Variants in BSG observed in about 807,000 individuals in gnomAD.
BSG encodes basigin.
Under a neutral mutation model 43.1 loss-of-function variants are expected in BSG, and 37 were observed. The ratio of observed to expected loss-of-function variants is 0.86; its 90% CI spans 0.66 to 1.13. The LOEUF is 1.13. Among genes scored for constraint, BSG ranks in the 50% most tolerant of loss-of-function variants. BSG has a pLI of 0.00. For missense variants in BSG, 599 were observed against 554.2 expected (o/e 1.08, Z -0.81); for synonymous variants, 309 against 238.7 (o/e 1.29, Z -2.72).
In BSG at chr19:579,745, C is replaced by T. The variant is rs1014868445; in HGVS notation, c.572+89C>T. On this transcript the variant is annotated intron_variant, in intron 3 of 8. Coordinates refer to ENST00000333511, the MANE Select transcript of BSG (RefSeq NM_001728.4). ...CCTGTGGTCCGTGAGAACAAAAGAC[C>T]GGTCGGCAGGCTTGATCCAGGCGGA... 2.3e-5 allele frequency: 34 copies of T among 1,504,390 alleles called. No individual in the cohort carries two copies. In the Middle Eastern group the frequency reaches 9.9e-4, roughly 44 times the overall value. The allele number at this position is 1,504,390 out of a possible 1,614,324, so 93.2% of individuals were successfully genotyped here. A position where few individuals can be genotyped will look rare whatever the true frequency, so the allele number is the denominator to read the frequency against.
At position 573,138 on chromosome 19, in the gene BSG, AGGAGAAG is replaced by A. The variant is rs1188033042; in HGVS notation, c.67+443_67+449del. On this transcript the variant is annotated intron_variant, in intron 1 of 8. Coordinates refer to ENST00000333511, the MANE Select transcript of BSG (RefSeq NM_001728.4). The stretch of plus-strand genomic sequence containing the variant: ...GGCCCGCCCGCCGGTCCCATCGGCC[AGGAGAAG>A]GGAGACCCAAAGCCTGGGTGAGCGT... 2.0e-5 allele frequency among the ~76,000 whole-genome samples: 3 copies of A among 152,156 alleles called. No individual in the cohort carries two copies. In the East Asian group the frequency reaches 5.8e-4, roughly 29 times the overall value.
chr19:575,897 C>T (rs1423391409), intron 1 of BSG, among the ~76,000 whole-genome samples: 1 of 152,124 alleles, frequency 6.6e-6, no homozygotes, highest in African/African-American at 2.4e-5. Context: ...TGGGGGCGCT[C>T]TGCATTGTCC....
At chr19:575,221 A>G (rs1363394169) in intron 1 of BSG, 1 of 152,402 alleles carries the variant, frequency 6.6e-6, no homozygotes. Flanking sequence ...GAGAAACCCC[A>G]CTTTTGCTGG....
intron 1 of BSG, among the ~76,000 whole-genome samples, chr19:574,074 G>C (rs1367728464): frequency 6.6e-6 from 1 of 151,810 alleles, no homozygotes; most frequent in Non-Finnish European, 1.5e-5. Flanking sequence ...GGCCAACATG[G>C]TGAAACCCCA....
intron 2 of BSG, chr19:579,210 G>A (rs773156314): frequency 5.5e-6 from 3 of 542,856 alleles, no homozygotes; most frequent in Non-Finnish European, 3.5e-6. Context: ...GGGGCCTCTG[G>A]GTTCCCAGCG....
chr19:579,555 C>G lies in BSG; in HGVS notation c.471C>G (p.Cys157Trp). The G allele has an allele frequency of 6.2e-7, 1 of 1,612,776 alleles. No individual in the cohort carries two copies. The highest frequency in any genetic ancestry group is 8.5e-7 in the Non-Finnish European group (1 of 1,179,940). ...EDLGSKILLT[C>W]SLNDSATEVT... ...TTGGCTCCAAGATACTCCTCACCTG[C>G]TCCTTGAATGACAGCGCCACAGAGG... Residue 157 changes from cysteine (C) to tryptophan (W), a missense_variant, in exon 3 of 9, where the codon TGC becomes TGG. Transcript: ENST00000333511.
At chr19:577,234 C>T (rs1428487561) in intron 1 of BSG, among the ~76,000 whole-genome samples, 1 of 147,490 alleles carries the variant, frequency 6.8e-6, no homozygotes, top group African/African-American at 2.5e-5. Context: ...TGGCTCCCAG[C>T]TTCCCAAATC....
chr19:576,768 AG>A (rs904325313), intron 1 of BSG, among the ~76,000 whole-genome samples: 2 of 149,662 alleles, frequency 1.3e-5, no homozygotes, highest in African/African-American at 4.9e-5. Flanking sequence ...AAAAAGAAGA[AG>A]AGGAGAAAGA....
At position 572,604 on chromosome 19, in the gene BSG, G is replaced by A. The variant is rs774416728; in HGVS notation, c.-31G>A. The A allele has an allele frequency of 4.5e-5, 66 of 1,474,712 alleles. No homozygotes were observed. In the South Asian group the frequency reaches 7.4e-4, roughly 16 times the overall value. 91.4% of individuals were successfully genotyped at this position (1,474,712 alleles called of 1,614,324 possible). ...CCGCGGGCGGCGGCGGCAGCGGTTGGAGGTTGTAGGACCGGCGAGGAATAG... is the reference window on the plus strand; with the variant it reads ...CCGCGGGCGGCGGCGGCAGCGGTTGAAGGTTGTAGGACCGGCGAGGAATAG... On this transcript the variant is annotated 5_prime_UTR_variant, in exon 1 of 9. Transcript: ENST00000333511.
chr19:579,932 C>G, intron 3 of BSG: 1 of 493,422 alleles, frequency 2.0e-6, no homozygotes, highest in South Asian at 2.6e-5. Flanking sequence ...TGCCAGGTCC[C>G]GGGCACGTGT....
chr19:575,045 T>C (rs1981642241), intron 1 of BSG: 1 of 152,232 alleles, frequency 6.6e-6, no homozygotes, highest in Admixed American at 6.5e-5. Flanking sequence ...TTTGTTCCTT[T>C]TGTGCATTTG....
chr19:583,174 A>T lies in BSG; in HGVS notation c.*430A>T, dbSNP rs976199071. On this transcript the variant is annotated 3_prime_UTR_variant, in exon 9 of 9. Transcript: ENST00000333511. ...TTTTTGTGCTTTTATGTTTAATTTT[A>T]TGAGGGCCACGGGTCTGTGTTCGAC... The T allele has an allele frequency of 9.0e-5, 14 of 155,036 alleles. No homozygotes were observed. Among genetic ancestry groups the T allele is most frequent in the African/African-American group, 3.1e-4 (13 of 41,440 alleles). The allele number at this position is 155,036 out of a possible 1,614,324, so 9.6% of individuals were successfully genotyped here. A position where few individuals can be genotyped will look rare whatever the true frequency, so the allele number is the denominator to read the frequency against.
chr19:579,640 C>T lies in BSG; in HGVS notation c.556C>T (p.Gln186Ter). 6.2e-7 allele frequency: 1 copy of T among 1,609,934 alleles called. No individual in the cohort carries two copies. The highest frequency in any genetic ancestry group is 1.1e-5 in the South Asian group (1 of 90,808). ...GCTGAAGGAGGACGCGCTGCCCGGC[C>T]AGAAAACGGAGTTCAAGTGAGTGCC... ...VVLKEDALPG[Q>*]KTEFKVDSDD... The change falls in exon 3 of 9, where the codon CAG becomes TAG. Residue 186 changes from glutamine (Q) to a stop codon, truncating the protein, a stop_gained. Transcript: ENST00000333511. LOFTEE classifies it high-confidence loss of function.
At chr19:575,861 C>T (rs916794818) in intron 1 of BSG, among the ~76,000 whole-genome samples, 3 of 151,844 alleles carry the variant, frequency 2.0e-5, no homozygotes, top group Admixed American at 6.6e-5. Flanking sequence ...CCTGGTGCGG[C>T]GGGCGAGATG....
Position 582,478 on chromosome 19 carries a change from G to A in BSG, c.1095-36G>A, listed in dbSNP as rs746705330. The A allele has an allele frequency of 6.2e-6, 10 of 1,604,184 alleles. No homozygotes were observed. The East Asian group carries it at 6.7e-5, about 11-fold the overall frequency. ...GGGTGACTTGGAGAGAGTGACTTGC[G>A]GGGGACACCCTCTCACCCGGCCCCT... On this transcript the variant is annotated intron_variant, in intron 7 of 8. Transcript: ENST00000333511.
intron 1 of BSG, among the ~76,000 whole-genome samples, chr19:572,943 G>A (rs960339386): frequency 1.8e-5 from 2 of 112,794 alleles, no homozygotes; most frequent in Non-Finnish European, 3.6e-5. Flanking sequence ...CTCCGGCCTC[G>A]AGCCCGGCCT....
intron 1 of BSG, chr19:575,402 T>C (rs1360705078): frequency 6.6e-6 from 1 of 152,046 alleles, no homozygotes; most frequent in Non-Finnish European, 1.5e-5. Flanking sequence ...TGCCCAAGGT[T>C]GGCCGTCCGC....
intron 1 of BSG, chr19:574,920 G>A (rs1019737340): frequency 5.3e-5 from 8 of 152,310 alleles, no homozygotes; most frequent in African/African-American, 1.9e-4. Flanking sequence ...TGGAAACCCA[G>A]CCAGGCCTGA....
In BSG at chr19:577,958, C is replaced by T. The variant is rs767643953; in HGVS notation, c.252C>T (p.Thr84=). The T allele has an allele frequency of 9.3e-6, 15 of 1,611,820 alleles. No homozygotes were observed. Among genetic ancestry groups the T allele is most frequent in the African/African-American group, 1.3e-5 (1 of 74,926 alleles). ...ARLDRVHIHA[T]YHQHAASTIS... is the part of the protein sequence containing the mutation. Reference sequence around the variant, plus strand: ...TGGACCGCGTCCACATCCACGCCACCTACCACCAGCACGCGGCCAGCACCA... The same window carrying T: ...TGGACCGCGTCCACATCCACGCCACTTACCACCAGCACGCGGCCAGCACCA... Residue 84 remains threonine, a synonymous_variant, in exon 2 of 9, where the codon ACC becomes ACT. Coordinates refer to ENST00000333511, the MANE Select transcript of BSG (RefSeq NM_001728.4).
Sources: allele counts gnomAD v4.1 joint callset (sites outside exome capture counted in the v4.1 genomes callset), GRCh38; gene constraint gnomAD v4.1.1; transcripts MANE v1.5; gene names NCBI Gene and HGNC (gene_info 2026-07-23, HGNC 2026-07-21).